The following NIN variants were observed in gnomAD, a reference collection of about 807,000 sequenced individuals.
NIN encodes the protein glycogen synthase kinase 3 beta-interacting protein.
NIN carries 137 observed loss-of-function variants against 257.6 expected under a neutral mutation model. The observed-to-expected ratio is 0.53, with a 90% CI of 0.46 to 0.61. NIN has a LOEUF of 0.61. Ranked by LOEUF, NIN falls within the 20% of genes least tolerant of loss-of-function variation. The pLI, the probability that NIN is intolerant of heterozygous loss-of-function variation, is 0.00. For synonymous variants in NIN, 918 were observed against 919.8 expected (o/e 1.00, Z 0.04); for missense variants, 2,439 against 2,501.2 (o/e 0.98, Z 0.53).
At chr14:50,797,078 C>G (rs1282125379) in intron 4 of NIN, among the ~76,000 whole-genome samples, 2 of 152,208 alleles carry the variant, frequency 1.3e-5, no homozygotes, top group African/African-American at 4.8e-5. Flanking sequence ...GCCATAGCTG[C>G]TTCCTGGAAG....
chr14:50,790,100 G>A (rs760433717), intron 5 of NIN, among the ~76,000 whole-genome samples: 1 of 152,168 alleles, frequency 6.6e-6, no homozygotes, highest in Non-Finnish European at 1.5e-5. Flanking sequence ...TGTCACCCAG[G>A]CTGGAGTGCA....
At position 50,723,251 on chromosome 14, in the gene NIN, C is replaced by A; in HGVS notation, c.*212G>T. Reference sequence around the variant, plus strand: ...GGCTATTAAAATTTTAAAATAAATTCAAATCTTGGGAATAATTTAAGTAGT... The same window carrying A: ...GGCTATTAAAATTTTAAAATAAATTAAAATCTTGGGAATAATTTAAGTAGT... On this transcript the variant is annotated 3_prime_UTR_variant, in exon 31 of 31. Transcript: ENST00000530997. 2.4e-6 allele frequency: 1 copy of A among 408,552 alleles called. No homozygotes were observed. Among genetic ancestry groups the A allele is most frequent in the East Asian group, 3.7e-5 (1 of 27,206 alleles). The allele number at this position is 408,552 out of a possible 1,614,324, so 25.3% of individuals were successfully genotyped here.
intron 5 of NIN, among the ~76,000 whole-genome samples, chr14:50,791,812 C>CAA (rs142677736): frequency 6.6e-5 from 10 of 150,666 alleles, no homozygotes; most frequent in African/African-American, 2.4e-4. Flanking sequence ...CACGCGCACA[C>CAA]ACACACACAC....
intron 10 of NIN, among the ~76,000 whole-genome samples, 159 bp from the exon 11 acceptor site, chr14:50,771,151 T>C (rs1316678296): frequency 2.6e-5 from 4 of 152,190 alleles, no homozygotes; most frequent in African/African-American, 9.7e-5. Flanking sequence ...TTCAAAAGCC[T>C]ACATGTCAAT....
intron 5 of NIN, 70 bp from the exon 6 acceptor site, chr14:50,778,874 G>T: frequency 6.7e-7 from 1 of 1,498,772 alleles, no homozygotes; most frequent in South Asian, 1.1e-5. Flanking sequence ...GCTTTTCCTA[G>T]AGCAGATCAC....
intron 2 of NIN, among the ~76,000 whole-genome samples, chr14:50,825,513 C>T (rs984349101): frequency 3.9e-5 from 6 of 152,194 alleles, no homozygotes; most frequent in Non-Finnish European, 5.9e-5. Context: ...TTTAATCCTC[C>T]CAAATCTTAG....
intron 15 of NIN, 65 bp from the exon 16 acceptor site, chr14:50,761,976 A>T: frequency 6.5e-7 from 1 of 1,549,374 alleles, no homozygotes; most frequent in Non-Finnish European, 8.9e-7. Flanking sequence ...GTGGCATCTG[A>T]GGAGGGACAT....
At chr14:50,755,042 T>C (rs1033990110) in intron 18 of NIN, among the ~76,000 whole-genome samples, 175 bp from the exon 19 acceptor site, 2 of 152,210 alleles carry the variant, frequency 1.3e-5, no homozygotes, top group African/African-American at 4.8e-5. Context: ...CACATTTCTT[T>C]TGGGAAGTAA....
At position 50,758,376 on chromosome 14, in the gene NIN, G is replaced by C. The variant is rs776499143; in HGVS notation, c.2654C>G (p.Thr885Arg). The change falls in exon 18 of 31, where the codon ACA becomes AGA. Residue 885 changes from threonine to arginine, a missense_variant. Around this residue, in one of 3 missense-constraint regions of NIN, gnomAD observed 2,043 missense variants for 2,050.2 expected, o/e 1.00. Coordinates refer to ENST00000530997, the MANE Select transcript of NIN (RefSeq NM_020921.4). ...LLKETLKREK[T>R]TSLVLTQERE... ...CTCCTGGGTCAGGACCAGAGAAGTT[G>C]TTTTCTCTCTCTTAAGAGTCTCTTT... 5.0e-6 allele frequency: 8 copies of C among 1,614,116 alleles called. No individual in the cohort carries two copies. In the East Asian group the frequency reaches 1.3e-4, roughly 27 times the overall value.
intron 17 of NIN, among the ~76,000 whole-genome samples, chr14:50,759,322 C>T (rs1474224920): frequency 1.3e-5 from 2 of 152,144 alleles, no homozygotes; most frequent in Non-Finnish European, 2.9e-5. Flanking sequence ...AATCTTAATA[C>T]GAGGAATACT....
intron 5 of NIN, among the ~76,000 whole-genome samples, chr14:50,784,273 C>G (rs1350271017): frequency 6.6e-6 from 1 of 152,148 alleles, no homozygotes; most frequent in African/African-American, 2.4e-5. Flanking sequence ...GAAACCTTAG[C>G]TATTGTTATT....
intron 5 of NIN, among the ~76,000 whole-genome samples, chr14:50,788,234 T>C (rs1397554542): frequency 6.6e-6 from 1 of 152,200 alleles, no homozygotes; most frequent in Non-Finnish European, 1.5e-5. Flanking sequence ...TGCTACCCCC[T>C]AGTGCCAACA....
At chr14:50,819,240 C>T (rs2045081561) in intron 3 of NIN, among the ~76,000 whole-genome samples, 1 of 152,176 alleles carries the variant, frequency 6.6e-6, no homozygotes, top group African/African-American at 2.4e-5. Context: ...TAATGGAAAA[C>T]TGTAGTTTAC....
chr14:50,746,856 T>C (rs1407075499), intron 22 of NIN, among the ~76,000 whole-genome samples: 4 of 152,170 alleles, frequency 2.6e-5, no homozygotes, highest in African/African-American at 7.2e-5. Flanking sequence ...ATTAAGCCTT[T>C]TTTCTTTCTT....
At position 50,721,326 on chromosome 14, in the gene NIN, A is replaced by C. The variant is rs1193544771; in HGVS notation, c.*2137T>G. 4.8e-6 allele frequency: 1 copy of C among 206,618 alleles called. No individual in the cohort carries two copies. The highest frequency in any genetic ancestry group is 5.9e-5 in the Admixed American group (1 of 16,828). The allele number at this position is 206,618 out of a possible 1,614,324, so 12.8% of individuals were successfully genotyped here. A position where few individuals can be genotyped will look rare whatever the true frequency, so the allele number is the denominator to read the frequency against. The stretch of plus-strand genomic sequence containing the variant: ...TTCATTGTACATTTTATATACACAT[A>C]AATACAAATTTATAGGAAATAAACA... On this transcript the variant is annotated 3_prime_UTR_variant, in exon 31 of 31. Transcript: ENST00000530997.
chr14:50,830,165 C>T (rs929183858), intron 2 of NIN, among the ~76,000 whole-genome samples: 10 of 152,236 alleles, frequency 6.6e-5, no homozygotes, highest in African/African-American at 1.9e-4. Flanking sequence ...CACATGCCAA[C>T]GGAACCACCA....
intron 5 of NIN, among the ~76,000 whole-genome samples, chr14:50,790,346 C>T (rs2043538350): frequency 6.6e-6 from 1 of 152,132 alleles, no homozygotes; most frequent in African/African-American, 2.4e-5. Flanking sequence ...CCACCATGCC[C>T]AGCACTGAAA....
chr14:50,806,561 T>G (rs2142198799), intron 4 of NIN, 176 bp downstream of exon 4: 1 of 497,978 alleles, frequency 2.0e-6, no homozygotes, highest in South Asian at 3.5e-5. Flanking sequence ...CTCATTTTAG[T>G]GTTCAACAGC....
chr14:50,756,918 T>TCCA lies in NIN; in HGVS notation c.4109_4111dup (p.Leu1370_Glu1371insVal), dbSNP rs762244664. 2 of 1,565,248 alleles carry TCCA rather than the reference T, an allele frequency of 1.3e-6. No homozygotes were observed. Among genetic ancestry groups the TCCA allele is most frequent in the African/African-American group, 2.7e-5 (2 of 73,596 alleles). The stretch of plus-strand genomic sequence containing the variant: ...ACTCCTAACCCTGGGCACACACTCT[T>TCCA]CCAGTGTCTGATTGAGCTGGAGTAT... On this transcript the variant is annotated inframe_insertion, in exon 18 of 31. Transcript: ENST00000530997.
Sources: allele counts gnomAD v4.1 joint callset (sites outside exome capture counted in the v4.1 genomes callset), GRCh38; gene constraint gnomAD v4.1.1; regional missense constraint gnomAD v4.1.1; transcripts MANE v1.5; gene names NCBI Gene and HGNC (gene_info 2026-07-23, HGNC 2026-07-21).